ADGRB3: variants seen among roughly 807,000 people sequenced by gnomAD.
ADGRB3 encodes brain-specific angiogenesis inhibitor 3.
In ADGRB3, 37 loss-of-function variants were observed where a neutral mutation model predicts 193.4. That is an observed-to-expected ratio of 0.19 (90% CI 0.15 to 0.25). ADGRB3 has a LOEUF of 0.25. Among genes scored for constraint, ADGRB3 ranks in the 10% least tolerant of loss-of-function variants. ADGRB3 has a pLI of 1.00. For missense variants in ADGRB3, 1,637 were observed against 1,852.9 expected, an observed-to-expected ratio of 0.88 and a Z score of 2.14; for synonymous variants, 690 against 644.2, an observed-to-expected ratio of 1.07 and a Z score of -1.08.
rs566111858 is a variant in ADGRB3, at chr6:69,184,711, T to G, written c.2481-48579T>G. ...ATCTCTGGAAAAAATAAAAGATACT[T>G]TCATATGAGCCCAAAAGAAAACCTC... is the stretch of plus-strand genomic sequence containing the variant. On this transcript the variant is annotated intron_variant, in intron 17 of 31. Coordinates refer to ENST00000370598, the MANE Select transcript of ADGRB3 (RefSeq NM_001704.3). Among the ~76,000 whole-genome samples, 139 of 152,136 alleles carry G rather than the reference T, an allele frequency of 9.1e-4. 1 individual carries two copies. Among genetic ancestry groups the G allele is most frequent in the African/African-American group, 3.3e-3 (135 of 41,526 alleles).
At chr6:69,120,602 T>C (rs1453618772) in intron 17 of ADGRB3, among the ~76,000 whole-genome samples, 1 of 152,206 alleles carries the variant, frequency 6.6e-6, no homozygotes, top group South Asian at 2.1e-4. Context: ...AATCAAACAA[T>C]GCATGTTAAT....
intron 17 of ADGRB3, among the ~76,000 whole-genome samples, chr6:69,092,774 G>A (rs995488950): frequency 6.6e-6 from 1 of 152,164 alleles, no homozygotes; most frequent in Non-Finnish European, 1.5e-5. Flanking sequence ...ACCTGAATTG[G>A]TTTGTGAAGA....
At chr6:68,700,359 C>T (rs930147027) in intron 3 of ADGRB3, among the ~76,000 whole-genome samples, 6 of 151,278 alleles carry the variant, frequency 4.0e-5, no homozygotes, top group South Asian at 4.2e-4. Flanking sequence ...TTCAAAACAC[C>T]TTTTTTTTTC....
intron 17 of ADGRB3, among the ~76,000 whole-genome samples, chr6:69,205,534 A>G (rs959317393): frequency 6.6e-6 from 1 of 152,130 alleles, no homozygotes; most frequent in African/African-American, 2.4e-5. Flanking sequence ...GTGATTTATA[A>G]ATAAAAGATG....
At chr6:68,928,678 T>C (rs574142963) in intron 3 of ADGRB3, among the ~76,000 whole-genome samples, 1 of 152,330 alleles carries the variant, frequency 6.6e-6, no homozygotes, top group Non-Finnish European at 1.5e-5. Flanking sequence ...AGTTATTTAC[T>C]ACATAATTAA....
intron 15 of ADGRB3, among the ~76,000 whole-genome samples, chr6:69,057,702 G>T (rs1771585381): frequency 6.6e-6 from 1 of 151,914 alleles, no homozygotes; most frequent in African/African-American, 2.4e-5. Context: ...TGCAGTTTTT[G>T]ATCTTCATTC....
intron 20 of ADGRB3, among the ~76,000 whole-genome samples, chr6:69,296,155 A>G (rs1219289093): frequency 6.6e-6 from 1 of 152,132 alleles, no homozygotes; most frequent in South Asian, 2.1e-4. Flanking sequence ...TTTTATCATA[A>G]TAGCCATATT....
intron 6 of ADGRB3, among the ~76,000 whole-genome samples, chr6:68,945,434 A>G (rs2150251898): frequency 6.6e-6 from 1 of 152,240 alleles, no homozygotes; most frequent in South Asian, 2.1e-4. Context: ...ATAAACACAC[A>G]GGCAGGCAGA....
intron 3 of ADGRB3, among the ~76,000 whole-genome samples, chr6:68,910,964 G>T (rs1345844451): frequency 6.6e-6 from 1 of 152,220 alleles, no homozygotes; most frequent in East Asian, 1.9e-4. Flanking sequence ...TAGCTTGATG[G>T]GGATGGCATT....
chr6:68,718,965 A>G (rs1582144769), intron 3 of ADGRB3, among the ~76,000 whole-genome samples: 1 of 151,884 alleles, frequency 6.6e-6, no homozygotes, highest in Non-Finnish European at 1.5e-5. Flanking sequence ...AGCCTAAAAT[A>G]TTTACCATCT....
At chr6:68,996,776 G>GA (rs1242539057) in intron 11 of ADGRB3, among the ~76,000 whole-genome samples, 1 of 151,896 alleles carries the variant, frequency 6.6e-6, no homozygotes, top group Admixed American at 6.6e-5. Context: ...CAAATCTTCG[G>GA]AAAAAAAGAC....
At chr6:68,895,537 C>G (rs1408301663) in intron 3 of ADGRB3, among the ~76,000 whole-genome samples, 2 of 151,862 alleles carry the variant, frequency 1.3e-5, no homozygotes, top group African/African-American at 4.8e-5. Context: ...GAGGAATAAA[C>G]TCTCTTACAT....
chr6:68,994,388 T>C (rs981673173), intron 11 of ADGRB3, among the ~76,000 whole-genome samples: 1 of 152,198 alleles, frequency 6.6e-6, no homozygotes, highest in African/African-American at 2.4e-5. Context: ...GATTTTGCTA[T>C]TAGTGGGGGA....
intron 2 of ADGRB3, among the ~76,000 whole-genome samples, chr6:68,638,023 T>C (rs1261853444): frequency 6.6e-6 from 1 of 152,224 alleles, no homozygotes; most frequent in African/African-American, 2.4e-5. Flanking sequence ...GCCCATGTTT[T>C]TGCAAAGGAA....
chr6:68,778,747 A>T (rs1166120756), intron 3 of ADGRB3, among the ~76,000 whole-genome samples: 2 of 152,074 alleles, frequency 1.3e-5, no homozygotes, highest in East Asian at 3.9e-4. Flanking sequence ...ATACTTATAT[A>T]TCCAAAATAC....
At position 68,936,595 on chromosome 6, in the gene ADGRB3, C is replaced by G. The variant is rs1041756567; in HGVS notation, c.945C>G (p.Thr315=). Residue 315 remains threonine (T), a synonymous_variant, in exon 5 of 32, where the codon ACC becomes ACG. Transcript: ENST00000370598. ...VTCGQGSQVR[T]RTCVSPYGTH... ...GTGGTCAAGGGTCGCAGGTGCGAAC[C>G]AGAACTTGTGTATCACCTTACGGGA... The G allele has an allele frequency of 1.2e-6, 2 of 1,613,850 alleles. No homozygotes were observed. Among genetic ancestry groups the G allele is most frequent in the African/African-American group, 1.3e-5 (1 of 74,892 alleles).
chr6:69,010,183 T>G (rs1026319804), intron 11 of ADGRB3, among the ~76,000 whole-genome samples: 1 of 152,056 alleles, frequency 6.6e-6, no homozygotes, highest in Non-Finnish European at 1.5e-5. Context: ...CCACAACCAT[T>G]CACCATAATG....
intron 3 of ADGRB3, among the ~76,000 whole-genome samples, chr6:68,686,495 G>T (rs778397015): frequency 6.6e-6 from 1 of 151,684 alleles, no homozygotes; most frequent in Non-Finnish European, 1.5e-5. Flanking sequence ...AATTTTTTTT[G>T]CAGAGAAGCT....
rs376148528 is a variant in ADGRB3, at chr6:68,824,453, C to A, written c.758-106106C>A. 1.7e-4 allele frequency among the ~76,000 whole-genome samples: 25 copies of A among 148,982 alleles called. No homozygotes were observed. The East Asian group carries it at 3.5e-3, about 21-fold the overall frequency. On this transcript the variant is annotated intron_variant, in intron 3 of 31. Transcript: ENST00000370598. ...TTACATATAAATACATACATATTTA[C>A]ATAAAATTAATTTCAGTGACTTCAA...
Sources: gnomAD v4.1 joint callset for allele counts (sites outside exome capture counted in the v4.1 genomes callset) on GRCh38, gnomAD v4.1.1 for gene constraint, MANE v1.5 for transcripts, NCBI Gene and HGNC (gene_info 2026-07-23, HGNC 2026-07-21) for gene names.